FER1L5: variants seen among roughly 807,000 people sequenced by gnomAD.
FER1L5 encodes fer-1-like protein 5.
In FER1L5, 187 loss-of-function variants were observed where a neutral mutation model predicts 279.9. That is an observed-to-expected ratio of 0.67 (90% confidence interval 0.59 to 0.75). The LOEUF (loss-of-function observed/expected upper bound fraction) is 0.75. FER1L5 is among the 30% of genes least tolerant of loss of function. FER1L5 has a pLI of 0.00. For synonymous variants in FER1L5, 921 were observed against 989.7 expected, an observed-to-expected ratio of 0.93 and a Z score of 1.30; for missense variants, 2,091 against 2,594.4, an observed-to-expected ratio of 0.81 and a Z score of 4.21.
intron 6 of FER1L5, 114 bp from the exon 7 acceptor site, chr2:96,651,777 GA>G: frequency 6.9e-7 from 1 of 1,445,916 alleles, no homozygotes; most frequent in Non-Finnish European, 9.4e-7. Flanking sequence ...AAAGTGCTGG[GA>G]TTACAGGCAT....
Position 96,702,754 on chromosome 2 carries a change from G to A in FER1L5, c.5397+13G>A, listed in dbSNP as rs1386063426. Reference sequence around the variant, plus strand: ...CCAGAGCCAGAAGGTAACAGGCCTGGGGCGTGAGGGGCAACAGGCCACAAC... The same window carrying A: ...CCAGAGCCAGAAGGTAACAGGCCTGAGGCGTGAGGGGCAACAGGCCACAAC... On this transcript the variant is annotated intron_variant, in intron 48 of 52. Transcript: ENST00000624922. This position sits in a 1 kb window ranked among gnomAD's most constrained non-coding sequence, Gnocchi z 4.0. The A allele has an allele frequency of 3.1e-6, 5 of 1,611,704 alleles. No individual in the cohort carries two copies. The highest frequency in any genetic ancestry group is 3.4e-6 in the Non-Finnish European group (4 of 1,179,214).
intron 7 of FER1L5, 66 bp downstream of exon 7, chr2:96,652,086 G>C (rs748639579): frequency 1.1e-5 from 17 of 1,546,930 alleles, no homozygotes; most frequent in Non-Finnish European, 1.4e-5. Context: ...GTGGGCAGCC[G>C]GCAAGCTTGC....
intron 4 of FER1L5, among the ~76,000 whole-genome samples, chr2:96,648,276 G>A (rs984092037): frequency 2.6e-5 from 4 of 152,234 alleles, no homozygotes; most frequent in Non-Finnish European, 5.9e-5. Context: ...TACAGAGGGG[G>A]TGATGTTTAA....
chr2:96,666,040 A>G (rs1203913491), intron 14 of FER1L5, among the ~76,000 whole-genome samples: 1 of 151,810 alleles, frequency 6.6e-6, no homozygotes, highest in Admixed American at 6.6e-5. Flanking sequence ...CCCTTTGGAT[A>G]CTGGCCTGAT....
chr2:96,678,221 CG>C (rs934034292), intron 19 of FER1L5, among the ~76,000 whole-genome samples: 19 of 150,886 alleles, frequency 1.3e-4, no homozygotes, highest in Non-Finnish European at 2.4e-4. Context: ...GCCCGCCCCC[CG>C]GGTTCAAGCA....
chr2:96,688,175 G>A (rs2077005636), intron 24 of FER1L5, among the ~76,000 whole-genome samples: 1 of 152,210 alleles, frequency 6.6e-6, no homozygotes, highest in South Asian at 2.1e-4. Flanking sequence ...GACACTGCCA[G>A]CTCTGGTCTC....
intron 45 of FER1L5, among the ~76,000 whole-genome samples, chr2:96,701,578 C>G (rs535159936): frequency 6.6e-6 from 1 of 151,978 alleles, no homozygotes; most frequent in Non-Finnish European, 1.5e-5. Flanking sequence ...TCCTCATACT[C>G]GAGGCTATCA....
intron 14 of FER1L5, 80 bp from the exon 15 acceptor site, chr2:96,668,671 C>G: frequency 3.3e-6 from 5 of 1,508,946 alleles, no homozygotes; most frequent in Non-Finnish European, 4.5e-6. Flanking sequence ...ACCCGCGACT[C>G]CCTACCTGTT....
intron 4 of FER1L5, among the ~76,000 whole-genome samples, chr2:96,648,500 A>G (rs1316854295): frequency 2.0e-5 from 3 of 152,226 alleles, no homozygotes. Flanking sequence ...CGGGCCTCCC[A>G]TGTGATTGGT....
At chr2:96,684,780 G>A (rs1238320803) in intron 20 of FER1L5, among the ~76,000 whole-genome samples, 1 of 152,182 alleles carries the variant, frequency 6.6e-6, no homozygotes, top group Non-Finnish European at 1.5e-5. Flanking sequence ...TGGATAGTCA[G>A]AGGAGGTGTG....
intron 9 of FER1L5, among the ~76,000 whole-genome samples, chr2:96,659,646 C>T (rs1306012082): frequency 6.6e-6 from 1 of 150,732 alleles, no homozygotes; most frequent in African/African-American, 2.4e-5. Flanking sequence ...GGCCCGCCAC[C>T]ACGCCCGGCT....
intron 14 of FER1L5, among the ~76,000 whole-genome samples, chr2:96,666,277 T>C: frequency 6.7e-6 from 1 of 149,340 alleles, no homozygotes; most frequent in East Asian, 2.0e-4. Flanking sequence ...GGAGAATTAT[T>C]AGCAGGATGG....
Position 96,691,433 on chromosome 2 carries a change from T to C in FER1L5, c.2908-12T>C. On this transcript the variant is annotated splice_polypyrimidine_tract_variant and intron_variant, in intron 28 of 52. Coordinates refer to ENST00000624922, the MANE Select transcript of FER1L5 (RefSeq NM_001293083.2). This position sits in a 1 kb window ranked among gnomAD's most constrained non-coding sequence, Gnocchi z 6.0. ...CTGCAGGAACACAACCCTGCTCTCC[T>C]CCCCACCACAGGGCCTGGCCAAGGG... 6.5e-7 allele frequency: 1 copy of C among 1,535,344 alleles called. No homozygotes were observed. The highest frequency in any genetic ancestry group is 1.2e-5 in the South Asian group (1 of 82,258).
intron 42 of FER1L5, among the ~76,000 whole-genome samples, 186 bp from the exon 43 acceptor site, chr2:96,699,364 C>G (rs2077505127): frequency 6.6e-6 from 1 of 152,120 alleles, no homozygotes; most frequent in African/African-American, 2.4e-5. Flanking sequence ...CCACACCAGG[C>G]CTATCCAAAG....
chr2:96,670,603 C>T (rs149469809), intron 18 of FER1L5, among the ~76,000 whole-genome samples: 7 of 151,132 alleles, frequency 4.6e-5, no homozygotes, highest in South Asian at 2.1e-4. Context: ...CATGGTGAAA[C>T]GCTGTCTCTA....
intron 9 of FER1L5, among the ~76,000 whole-genome samples, chr2:96,659,350 C>CTTTCTTTCTTTCTTTCTTTCTTTCTTTCT (rs1558853389): frequency 2.7e-5 from 2 of 74,968 alleles, no homozygotes; most frequent in South Asian, 1.1e-3. Context: ...TCCTTCCTTC[C>CTTTCTTTCTTTCTTTCTTTCTTTCTTTCT]TTCCTTCCTT....
intron 1 of FER1L5, 51 bp from the exon 2 acceptor site, chr2:96,646,350 G>A (rs1573758046): frequency 6.5e-7 from 1 of 1,546,072 alleles, no homozygotes; most frequent in Non-Finnish European, 8.8e-7. Context: ...CTCCAACCCA[G>A]ACGTTGAAAT....
Position 96,691,294 on chromosome 2 carries a change from C to A in FER1L5, c.2848C>A (p.Arg950Ser). ...SCRRRRWARV[R>S]FRNHGELSHE... ...CCGCCGCCGGCGCTGGGCGCGTGTG[C>A]GCTTCAGGAACCATGGGGAGCTGAG... Residue 950 changes from arginine (R) to serine (S), a missense_variant, in exon 28 of 53, where the codon CGC (arginine) becomes AGC (serine). Transcript: ENST00000624922. This position sits in a 1 kb window ranked among gnomAD's most constrained non-coding sequence, Gnocchi z 6.0. 1 of 1,550,572 alleles carries A rather than the reference C, an allele frequency of 6.4e-7. No individual in the cohort carries two copies. Among genetic ancestry groups the A allele is most frequent in the Non-Finnish European group, 8.7e-7 (1 of 1,146,872 alleles).
intron 45 of FER1L5, 24 bp from the exon 46 acceptor site, chr2:96,701,931 C>A (rs371873138): frequency 1.2e-6 from 2 of 1,611,790 alleles, no homozygotes; most frequent in African/African-American, 1.3e-5. Flanking sequence ...CAACCCCCAA[C>A]CAGTCAATGT....
Sources: allele counts gnomAD v4.1 joint callset (sites outside exome capture counted in the v4.1 genomes callset), GRCh38; gene constraint gnomAD v4.1.1; non-coding constraint Gnocchi (gnomAD v3.1); transcripts MANE v1.5; gene names NCBI Gene and HGNC (gene_info 2026-07-23, HGNC 2026-07-21).